Variants in TLE4 observed in about 807,000 individuals in gnomAD.
TLE4 encodes the protein TLE family member 4, transcriptional corepressor.
TLE4 carries 8 observed loss-of-function variants against 92.8 expected under a neutral mutation model. That is an observed-to-expected ratio of 0.09 (90% CI 0.05 to 0.16). The LOEUF (loss-of-function observed/expected upper bound fraction) is 0.16, where lower values mean the gene tolerates loss of function less well. Ranked by LOEUF, TLE4 falls within the 10% of genes least tolerant of loss-of-function variation. The probability of loss-of-function intolerance (pLI) is 1.00; values close to 1 mark genes in which losing one functional copy is unlikely to be tolerated. For synonymous variants in TLE4, 371 were observed against 374.1 expected (o/e 0.99, Z 0.10); for missense variants, 675 against 997.6 (o/e 0.68, Z 4.36).
intron 5 of TLE4, among the ~76,000 whole-genome samples, chr9:79,624,498 G>A (rs779805866): frequency 1.3e-5 from 2 of 152,184 alleles, no homozygotes; most frequent in African/African-American, 2.4e-5. Flanking sequence ...TAGGGAAGTA[G>A]AATTCTGAAC....
chr9:79,705,355 A>T (rs2071232581), intron 9 of TLE4, among the ~76,000 whole-genome samples: 1 of 152,208 alleles, frequency 6.6e-6, no homozygotes, highest in African/African-American at 2.4e-5. Context: ...AATGAAGCTC[A>T]TTTTCCTTTA....
chr9:79,717,221 C>T (rs1283433647), intron 14 of TLE4, among the ~76,000 whole-genome samples: 3 of 152,146 alleles, frequency 2.0e-5, no homozygotes, highest in Non-Finnish European at 4.4e-5. Flanking sequence ...TCAAGAAAAC[C>T]AATTCCTTCA....
intron 4 of TLE4, among the ~76,000 whole-genome samples, chr9:79,586,256 G>A (rs997029566): frequency 4.0e-5 from 6 of 151,888 alleles, no homozygotes; most frequent in Non-Finnish European, 4.4e-5. Context: ...CCAGCTACTC[G>A]GGGGGCTGAG....
chr9:79,597,892 C>T (rs757039452), intron 4 of TLE4, among the ~76,000 whole-genome samples: 14 of 151,930 alleles, frequency 9.2e-5, no homozygotes, highest in East Asian at 1.9e-4. Flanking sequence ...ACAGAGCAAG[C>T]GTTCCATGAA....
At chr9:79,693,004 T>G (rs901815082) in intron 8 of TLE4, among the ~76,000 whole-genome samples, 2 of 152,202 alleles carry the variant, frequency 1.3e-5, no homozygotes, top group African/African-American at 4.8e-5. Context: ...TGATAAATGT[T>G]GGAGCTGAGG....
At chr9:79,657,482 G>A (rs2059934297) in intron 8 of TLE4, among the ~76,000 whole-genome samples, 1 of 152,166 alleles carries the variant, frequency 6.6e-6, no homozygotes, top group African/African-American at 2.4e-5. Context: ...AGGGGTAAAA[G>A]TGATGGGCTC....
intron 6 of TLE4, among the ~76,000 whole-genome samples, chr9:79,644,435 A>G (rs567590631): frequency 6.6e-6 from 1 of 152,294 alleles, no homozygotes; most frequent in African/African-American, 2.4e-5. Flanking sequence ...ATGTCATACA[A>G]TTCTTCCAGC....
At chr9:79,627,741 CAA>C (rs1175354547) in intron 6 of TLE4, 621 of 267,050 alleles carry the variant, frequency 2.3e-3, no homozygotes, top group Middle Eastern at 4.3e-3. Flanking sequence ...TAACCTAGGC[CAA>C]AAAAAAAAAG....
chr9:79,628,407 A>G (rs1175835506), intron 6 of TLE4, among the ~76,000 whole-genome samples: 1 of 152,076 alleles, frequency 6.6e-6, no homozygotes, highest in Non-Finnish European at 1.5e-5. Flanking sequence ...GAAGATGTGG[A>G]TAAGGGTCGC....
chr9:79,713,633 G>T (rs563835878), intron 14 of TLE4, among the ~76,000 whole-genome samples: 18 of 152,178 alleles, frequency 1.2e-4, no homozygotes, highest in African/African-American at 3.4e-4. Context: ...TGTAAATTAG[G>T]TCCTCTTCCC....
intron 16 of TLE4, 100 bp from the exon 17 acceptor site, chr9:79,721,641 A>G (rs762276582): frequency 9.1e-6 from 14 of 1,532,092 alleles, no homozygotes; most frequent in Non-Finnish European, 1.2e-5. Flanking sequence ...GAAATCTACA[A>G]ATAAGGCCTG....
At position 79,576,208 on chromosome 9, in the gene TLE4, G is replaced by A. The variant is rs749769553; in HGVS notation, c.252+31G>A. ...TTATTTCTTTATAACCATTTTAAAT[G>A]ACAGTAATACTGGGACACTATGAAA... On this transcript the variant is annotated intron_variant, in intron 4 of 19. Transcript: ENST00000376552. 20 of 1,482,352 alleles carry A rather than the reference G, an allele frequency of 1.3e-5. No homozygotes were observed. In the South Asian group the frequency reaches 2.3e-4, roughly 17 times the overall value. 91.8% of individuals were successfully genotyped at this position (1,482,352 alleles called of 1,614,324 possible).
intron 8 of TLE4, among the ~76,000 whole-genome samples, chr9:79,698,872 CAT>C (rs57671070): frequency 8.0e-4 from 115 of 144,252 alleles, no homozygotes; most frequent in African/African-American, 1.7e-3. Flanking sequence ...TATATATATA[CAT>C]ATATATATAT....
chr9:79,582,886 G>T (rs576773726), intron 4 of TLE4, among the ~76,000 whole-genome samples: 1 of 152,120 alleles, frequency 6.6e-6, no homozygotes, highest in East Asian at 1.9e-4. Context: ...AGAGAAGCAG[G>T]GGGGCAGCAC....
At chr9:79,687,996 T>C (rs929594528) in intron 8 of TLE4, among the ~76,000 whole-genome samples, 3 of 152,160 alleles carry the variant, frequency 2.0e-5, no homozygotes, top group Non-Finnish European at 4.4e-5. Context: ...CCACACTTTT[T>C]TGAGTAGCAA....
At chr9:79,724,822 G>A (rs2076194328) in intron 19 of TLE4, among the ~76,000 whole-genome samples, 2 of 124,156 alleles carry the variant, frequency 1.6e-5, no homozygotes, top group Non-Finnish European at 3.2e-5. Flanking sequence ...ACTGCAGCCT[G>A]AGTGACTGAG....
At chr9:79,707,057 A>G (rs2071795116) in intron 11 of TLE4, 158 bp downstream of exon 11, 1 of 1,583,136 alleles carries the variant, frequency 6.3e-7, no homozygotes, top group Admixed American at 1.7e-5. Context: ...AAGTATGTAG[A>G]GCAGAATAAG....
chr9:79,589,678 T>G (rs2042060940), intron 4 of TLE4, among the ~76,000 whole-genome samples: 1 of 152,182 alleles, frequency 6.6e-6, no homozygotes, highest in Admixed American at 6.5e-5. Flanking sequence ...GTGTTGCCCT[T>G]TATTAGCCTT....
chr9:79,578,618 G>C (rs916868812), intron 4 of TLE4, among the ~76,000 whole-genome samples: 1 of 152,240 alleles, frequency 6.6e-6, no homozygotes, highest in African/African-American at 2.4e-5. Flanking sequence ...TGTTGATTCT[G>C]ATAGAGAACT....
Sources: gnomAD v4.1 joint callset for allele counts (sites outside exome capture counted in the v4.1 genomes callset) on GRCh38, gnomAD v4.1.1 for gene constraint, MANE v1.5 for transcripts, NCBI Gene and HGNC (gene_info 2026-07-23, HGNC 2026-07-21) for gene names.